Variants in NLGN1 observed in about 807,000 individuals in gnomAD.
NLGN1 encodes neuroligin-1.
A neutral mutation model predicts 65.5 loss-of-function variants in NLGN1; 12 were observed. The ratio of observed to expected loss-of-function variants is 0.18; its 90% CI spans 0.12 to 0.30. The LOEUF (loss-of-function observed/expected upper bound fraction) is 0.30. NLGN1 is among the 10% of genes least tolerant of loss of function. The pLI is 1.00. For missense variants in NLGN1, 750 were observed against 1,007.1 expected (o/e 0.74, Z 3.46); for synonymous variants, 350 against 359.5 (o/e 0.97, Z 0.30).
Position 173,605,601 on chromosome 3 carries a change from T to A in NLGN1, c.493+510T>A. The A allele has an allele frequency of 1.6e-6, 2 of 1,269,172 alleles. No homozygotes were observed. Among genetic ancestry groups the A allele is most frequent in the Non-Finnish European group, 2.1e-6 (2 of 970,468 alleles). 78.6% of individuals were successfully genotyped at this position (1,269,172 alleles called of 1,614,324 possible). ...AAATATGTAGAAAAGGAGGTATGTATAAAAGTGGAAATTAAAAATGGGGGA... is the reference window on the plus strand; with the variant it reads ...AAATATGTAGAAAAGGAGGTATGTAAAAAAGTGGAAATTAAAAATGGGGGA... On this transcript the variant is annotated intron_variant, in intron 3 of 6. Coordinates refer to ENST00000457714, the Ensembl canonical transcript of NLGN1.
chr3:173,892,692 G>A (rs1372776754), intron 4 of NLGN1, among the ~76,000 whole-genome samples: 1 of 149,056 alleles, frequency 6.7e-6, no homozygotes, highest in Non-Finnish European at 1.5e-5. Context: ...GACACTCGTG[G>A]GGTTTCCATC....
At chr3:173,870,010 A>G (rs949163822) in intron 4 of NLGN1, among the ~76,000 whole-genome samples, 3 of 152,182 alleles carry the variant, frequency 2.0e-5, no homozygotes, top group African/African-American at 7.2e-5. Flanking sequence ...CAATAGATCT[A>G]GAGGCTGGAA....
intron 2 of NLGN1, among the ~76,000 whole-genome samples, chr3:173,439,362 T>A (rs896012697): frequency 2.0e-5 from 3 of 152,110 alleles, no homozygotes; most frequent in Non-Finnish European, 4.4e-5. Flanking sequence ...ATAAGAAATA[T>A]GCGGGAAACT....
intron 4 of NLGN1, among the ~76,000 whole-genome samples, chr3:174,185,959 A>T (rs2152752934): frequency 6.6e-6 from 1 of 152,224 alleles, no homozygotes; most frequent in African/African-American, 2.4e-5. Flanking sequence ...TGAAGCAGGT[A>T]CTTTTATTCC....
chr3:173,728,903 T>G (rs1176671465), intron 3 of NLGN1, among the ~76,000 whole-genome samples: 1 of 152,106 alleles, frequency 6.6e-6, no homozygotes, highest in Non-Finnish European at 1.5e-5. Context: ...TCTCTCATTT[T>G]AAGCCACCGA....
intron 4 of NLGN1, among the ~76,000 whole-genome samples, chr3:174,003,888 A>G (rs1258766256): frequency 6.6e-6 from 1 of 152,200 alleles, no homozygotes; most frequent in East Asian, 1.9e-4. Context: ...CAAAGATTAT[A>G]TGTGATATGT....
intron 2 of NLGN1, among the ~76,000 whole-genome samples, chr3:173,539,786 G>GTACATATATACATATATA (rs1290148581): frequency 1.0e-5 from 1 of 98,000 alleles, no homozygotes; most frequent in African/African-American, 4.0e-5. Flanking sequence ...ACATATATAT[G>GTACATATATACATATATA]TACATATATA....
At chr3:173,966,030 A>G (rs1447738260) in intron 4 of NLGN1, among the ~76,000 whole-genome samples, 1 of 152,170 alleles carries the variant, frequency 6.6e-6, no homozygotes, top group Non-Finnish European at 1.5e-5. Context: ...AATTTTGTAT[A>G]GCTCATTGGT....
chr3:173,909,545 G>A (rs1340266011), intron 4 of NLGN1, among the ~76,000 whole-genome samples: 1 of 152,172 alleles, frequency 6.6e-6, no homozygotes. Context: ...AGCTTGCCTG[G>A]AGAAGCTAAT....
chr3:174,040,486 C>G (rs1732036788), intron 4 of NLGN1, among the ~76,000 whole-genome samples: 1 of 151,838 alleles, frequency 6.6e-6, no homozygotes, highest in Non-Finnish European at 1.5e-5. Flanking sequence ...CATTAAAGAC[C>G]AAATTTGTGT....
intron 4 of NLGN1, among the ~76,000 whole-genome samples, chr3:174,253,315 AC>A (rs1745103312): frequency 6.6e-6 from 1 of 152,112 alleles, no homozygotes; most frequent in African/African-American, 2.4e-5. Context: ...CATCACTTCA[AC>A]CCACAGCATC....
At chr3:173,783,248 A>G (rs1781454009) in intron 3 of NLGN1, among the ~76,000 whole-genome samples, 1 of 152,196 alleles carries the variant, frequency 6.6e-6, no homozygotes, top group Admixed American at 6.5e-5. Context: ...TTAAAAAGAG[A>G]CCATTACATT....
intron 2 of NLGN1, among the ~76,000 whole-genome samples, chr3:173,530,169 A>G (rs1456523234): frequency 1.3e-5 from 2 of 151,962 alleles, no homozygotes; most frequent in African/African-American, 2.4e-5. Flanking sequence ...TGGCCAGGCT[A>G]GTTTTGAACT....
At chr3:173,941,392 A>C (rs947692029) in intron 4 of NLGN1, among the ~76,000 whole-genome samples, 1 of 152,128 alleles carries the variant, frequency 6.6e-6, no homozygotes, top group Non-Finnish European at 1.5e-5. Context: ...GAAGTCAGGC[A>C]TCAGAGCTGA....
chr3:174,282,214 T>C (rs1346964077), exon 7 of NLGN1: 1 of 152,224 alleles, frequency 6.6e-6, no homozygotes, highest in African/African-American at 2.4e-5. Flanking sequence ...ATCTAGATAA[T>C]TTATAGAAAT....
intron 3 of NLGN1, among the ~76,000 whole-genome samples, chr3:173,749,393 G>A (rs890576370): frequency 6.6e-6 from 1 of 152,002 alleles, no homozygotes; most frequent in Non-Finnish European, 1.5e-5. Flanking sequence ...TTTATAAAAT[G>A]AGAAGATTGT....
chr3:173,496,516 G>A (rs900753892), intron 2 of NLGN1, among the ~76,000 whole-genome samples: 1 of 151,648 alleles, frequency 6.6e-6, no homozygotes, highest in African/African-American at 2.4e-5. Flanking sequence ...ATAAAACATG[G>A]GAATATCTGA....
chr3:174,267,611 A>G (rs1748534693), intron 4 of NLGN1, among the ~76,000 whole-genome samples: 1 of 152,018 alleles, frequency 6.6e-6, no homozygotes, highest in African/African-American at 2.4e-5. Context: ...AGCCCCACCC[A>G]GGATTGTCCT....
chr3:173,871,805 C>T (rs1032486223), intron 4 of NLGN1, among the ~76,000 whole-genome samples: 4 of 152,008 alleles, frequency 2.6e-5, no homozygotes, highest in East Asian at 1.9e-4. Context: ...GCCTGGATAC[C>T]GGAGTTAAGG....
Sources: allele counts gnomAD v4.1 joint callset (sites outside exome capture counted in the v4.1 genomes callset), GRCh38; gene constraint gnomAD v4.1.1; transcripts MANE v1.5; gene names NCBI Gene and HGNC (gene_info 2026-07-23, HGNC 2026-07-21).